The following ADORA1 variants were observed in gnomAD, a reference collection of about 807,000 sequenced individuals.
The protein encoded by ADORA1 is adenosine A1 receptor.
A neutral mutation model predicts 19.9 loss-of-function variants in ADORA1; 6 were observed. The observed-to-expected ratio is 0.30, with a 90% CI of 0.17 to 0.59. ADORA1 has a LOEUF of 0.59. Ranked by LOEUF, ADORA1 falls within the 20% of genes least tolerant of loss-of-function variation. The pLI, the probability that ADORA1 is intolerant of heterozygous loss-of-function variation, is 0.87. For missense variants in ADORA1, 302 were observed against 439.2 expected, an observed-to-expected ratio of 0.69 and a Z score of 2.79; for synonymous variants, 194 against 188.4, an observed-to-expected ratio of 1.03 and a Z score of -0.24.
At position 203,151,773 on chromosome 1, in the gene ADORA1, A is replaced by G. The variant is rs376049315; in HGVS notation, c.342-13488A>G. Among the ~76,000 whole-genome samples, 28 of 131,392 alleles carry G rather than the reference A, an allele frequency of 2.1e-4. 1 individual carries two copies. The highest frequency in any genetic ancestry group is 1.9e-3 in the East Asian group (9 of 4,618). The allele number at this position is 131,392 out of a possible 152,430, so 86.2% of individuals were successfully genotyped here. A position where few individuals can be genotyped will look rare whatever the true frequency, so the allele number is the denominator to read the frequency against. ...GAACTCGGATCTTACCCCACAGCACACTTCATGCATGCATGCATTCATTCA... is the reference window on the plus strand; with the variant it reads ...GAACTCGGATCTTACCCCACAGCACGCTTCATGCATGCATGCATTCATTCA... On this transcript the variant is annotated intron_variant, in intron 3 of 3. Coordinates refer to ENST00000337894, the MANE Select transcript of ADORA1 (RefSeq NM_000674.3).
At chr1:203,141,784 T>C (rs958191940) in intron 3 of ADORA1, among the ~76,000 whole-genome samples, 1 of 152,032 alleles carries the variant, frequency 6.6e-6, no homozygotes, top group Admixed American at 6.6e-5. Flanking sequence ...AGTTTCACCA[T>C]GTTGACCAGA....
At chr1:203,133,855 G>A (rs1285321523) in intron 3 of ADORA1, among the ~76,000 whole-genome samples, 2 of 152,202 alleles carry the variant, frequency 1.3e-5, no homozygotes, top group Non-Finnish European at 2.9e-5. Context: ...ATTAGGGCAC[G>A]TTTGCGTTTA....
At chr1:203,134,434 C>G (rs1018786539) in intron 3 of ADORA1, among the ~76,000 whole-genome samples, 1 of 152,192 alleles carries the variant, frequency 6.6e-6, no homozygotes, top group Non-Finnish European at 1.5e-5. Flanking sequence ...TTAGGCCAAG[C>G]AGCTTGCTGG....
chr1:203,159,079 C>T (rs1655285203), intron 3 of ADORA1, among the ~76,000 whole-genome samples: 1 of 152,204 alleles, frequency 6.6e-6, no homozygotes, highest in African/African-American at 2.4e-5. Context: ...AACATCCAAA[C>T]TCAGCAGCAG....
At chr1:203,138,394 A>T (rs1166555900) in intron 3 of ADORA1, among the ~76,000 whole-genome samples, 1 of 152,150 alleles carries the variant, frequency 6.6e-6, no homozygotes, top group Admixed American at 6.5e-5. Context: ...CCCAAGAGAG[A>T]CAGTGCAGAT....
At chr1:203,135,532 A>C (rs1654477849) in intron 3 of ADORA1, among the ~76,000 whole-genome samples, 1 of 151,936 alleles carries the variant, frequency 6.6e-6, no homozygotes, top group Non-Finnish European at 1.5e-5. Flanking sequence ...GTGGTGCACG[A>C]CTGTAATCCC....
intron 3 of ADORA1, among the ~76,000 whole-genome samples, chr1:203,164,261 T>A (rs550520073): frequency 1.3e-5 from 2 of 152,352 alleles, no homozygotes; most frequent in Admixed American, 1.3e-4. Context: ...CATATCATGA[T>A]CTATAGTTGT....
intron 3 of ADORA1, among the ~76,000 whole-genome samples, chr1:203,144,121 C>CAG (rs1654788697): frequency 6.8e-6 from 1 of 147,526 alleles, no homozygotes; most frequent in Admixed American, 6.8e-5. Flanking sequence ...CACACACACA[C>CAG]AGCTGTTCCT....
At chr1:203,131,501 GCCT>G in intron 3 of ADORA1, among the ~76,000 whole-genome samples, 1 of 152,316 alleles carries the variant, frequency 6.6e-6, no homozygotes, top group South Asian at 2.1e-4. Context: ...TGAGCCTCAA[GCCT>G]ATCTTCCAGA....
chr1:203,152,399 C>T (rs1295858594), intron 3 of ADORA1, among the ~76,000 whole-genome samples: 1 of 152,250 alleles, frequency 6.6e-6, no homozygotes, highest in Non-Finnish European at 1.5e-5. Context: ...AGGCCACAGT[C>T]TGCAAAGACC....
chr1:203,140,050 C>A lies in ADORA1; in HGVS notation c.341+10868C>A, dbSNP rs145383698. ...TGAGAAAATATTAGCAAATCAAATC[C>A]GGTGATATAAAAAGGATAATATATC... On this transcript the variant is annotated intron_variant, in intron 3 of 3. Coordinates refer to ENST00000337894, the MANE Select transcript of ADORA1 (RefSeq NM_000674.3). 1.4e-4 allele frequency among the ~76,000 whole-genome samples: 21 copies of A among 152,226 alleles called. No homozygotes were observed. In the East Asian group the frequency reaches 4.0e-3, roughly 29 times the overall value.
At chr1:203,152,341 C>T (rs1655063251) in intron 3 of ADORA1, among the ~76,000 whole-genome samples, 1 of 152,246 alleles carries the variant, frequency 6.6e-6, no homozygotes. Context: ...TGCCTGGGCC[C>T]TCCCCATGTG....
intron 3 of ADORA1, chr1:203,150,577 T>G (rs968481895): frequency 1.6e-6 from 2 of 1,271,894 alleles, no homozygotes; most frequent in African/African-American, 3.1e-5. Context: ...TTTGCCTGGT[T>G]GCAAGGTGGG....
intron 3 of ADORA1, among the ~76,000 whole-genome samples, chr1:203,149,288 G>A (rs919523276): frequency 6.6e-6 from 1 of 152,218 alleles, no homozygotes; most frequent in South Asian, 2.1e-4. Flanking sequence ...CACACATCAT[G>A]AGTTTCCCCC....
chr1:203,154,393 C>G (rs1393921849), intron 3 of ADORA1, among the ~76,000 whole-genome samples: 1 of 152,184 alleles, frequency 6.6e-6, no homozygotes, highest in Non-Finnish European at 1.5e-5. Flanking sequence ...TAGGTGTTTA[C>G]AGCCGAGGGC....
Position 203,129,094 on chromosome 1 carries a change from T to G in ADORA1, c.253T>G (p.Cys85Gly), listed in dbSNP as rs779805334. Residue 85 changes from cysteine to glycine, a missense_variant, in exon 3 of 4, where the codon TGT (cysteine) becomes GGT (glycine). Cys to Gly is a radical substitution (Grantham distance 159, BLOSUM62 -3). Transcript: ENST00000337894. ...CTTCCACACCTGCCTCATGGTTGCC[T>G]GTCCGGTCCTCATCCTCACCCAGAG... ...TYFHTCLMVA[C>G]PVLILTQSSI... is the part of the protein sequence containing the mutation. The G allele has an allele frequency of 1.9e-5, 31 of 1,614,154 alleles. 1 individual carries two copies. The South Asian group carries it at 3.3e-4, about 17-fold the overall frequency.
chr1:203,150,963 A>G (rs1382355523), intron 3 of ADORA1, among the ~76,000 whole-genome samples: 3 of 151,868 alleles, frequency 2.0e-5, no homozygotes, highest in Admixed American at 1.3e-4. Flanking sequence ...TCCTCTTGTC[A>G]CTCCAGACTG....
chr1:203,133,375 A>C (rs1654403616), intron 3 of ADORA1, among the ~76,000 whole-genome samples: 1 of 152,106 alleles, frequency 6.6e-6, no homozygotes, highest in African/African-American at 2.4e-5. Context: ...TTGGCTTCCC[A>C]AAGTGCTGGG....
At chr1:203,150,870 G>A (rs1405601301) in intron 3 of ADORA1, 7 of 1,219,988 alleles carry the variant, frequency 5.7e-6, no homozygotes, top group Non-Finnish European at 7.4e-6. Context: ...GTGAGCTTTA[G>A]GGGGCCCTGA....
Sources: allele counts gnomAD v4.1 joint callset (sites outside exome capture counted in the v4.1 genomes callset), GRCh38; gene constraint gnomAD v4.1.1; transcripts MANE v1.5; gene names NCBI Gene and HGNC (gene_info 2026-07-23, HGNC 2026-07-21).